INPP5D: variants seen among roughly 807,000 people sequenced by gnomAD.
INPP5D encodes the protein inositol polyphosphate-5-phosphatase D.
Under a neutral mutation model 122.9 loss-of-function variants are expected in INPP5D, and 33 were observed. That is an observed-to-expected ratio of 0.27 (90% CI 0.20 to 0.36). INPP5D has a LOEUF of 0.36. Ranked by LOEUF, INPP5D falls within the 10% of genes least tolerant of loss-of-function variation. The probability of loss-of-function intolerance (pLI) is 1.00; values close to 1 mark genes in which losing one functional copy is unlikely to be tolerated. For missense variants in INPP5D, 1,053 were observed against 1,412.7 expected (o/e 0.75, Z 4.08); for synonymous variants, 584 against 576.2 (o/e 1.01, Z -0.19).
At chr2:233,084,987 A>G (rs936258606) in intron 2 of INPP5D, among the ~76,000 whole-genome samples, 1 of 152,252 alleles carries the variant, frequency 6.6e-6, no homozygotes, top group South Asian at 2.1e-4. Flanking sequence ...ATCTCAAAAC[A>G]TCTTTAGTTG....
At chr2:233,131,421 G>T (rs968517426) in intron 5 of INPP5D, among the ~76,000 whole-genome samples, 1 of 152,128 alleles carries the variant, frequency 6.6e-6, no homozygotes, top group Non-Finnish European at 1.5e-5. Flanking sequence ...GTCAGGCCGG[G>T]TGTGGTGGCT....
intron 3 of INPP5D, 112 bp downstream of exon 3, chr2:233,122,369 TG>T (rs1559303890): frequency 8.3e-7 from 1 of 1,202,020 alleles, no homozygotes; most frequent in East Asian, 2.6e-5. Context: ...ATTGTTGGCG[TG>T]GGGGTTAAGG....
chr2:233,141,340 G>A (rs1227486059), intron 6 of INPP5D: 1 of 152,208 alleles, frequency 6.6e-6, no homozygotes, highest in Non-Finnish European at 1.5e-5. Flanking sequence ...GCCGAAGCGG[G>A]TGGATCACCT....
intron 4 of INPP5D, 23 bp downstream of exon 4, chr2:233,125,942 C>T: frequency 6.2e-7 from 1 of 1,606,794 alleles, no homozygotes; most frequent in Non-Finnish European, 8.5e-7. Context: ...TCAAGTCCAG[C>T]TGGGCCTTCA....
intron 18 of INPP5D, among the ~76,000 whole-genome samples, chr2:233,179,043 T>G (rs576035470): frequency 1.3e-5 from 2 of 152,334 alleles, no homozygotes; most frequent in Admixed American, 6.5e-5. Context: ...TGAAATAGTT[T>G]AACACACGCA....
intron 20 of INPP5D, 106 bp from the exon 21 acceptor site, chr2:233,185,737 A>C: frequency 1.1e-6 from 1 of 951,178 alleles, no homozygotes; most frequent in Non-Finnish European, 1.3e-6. Context: ...AAAAAAAAAA[A>C]GGAGAGAGCA....
intron 1 of INPP5D, among the ~76,000 whole-genome samples, chr2:233,066,589 C>T (rs983791701): frequency 6.6e-6 from 1 of 152,026 alleles, no homozygotes; most frequent in Non-Finnish European, 1.5e-5. Context: ...TACAGTCACC[C>T]TTTCTATGGT....
intron 2 of INPP5D, among the ~76,000 whole-genome samples, chr2:233,102,902 A>G (rs907121902): frequency 3.3e-5 from 5 of 151,778 alleles, no homozygotes; most frequent in African/African-American, 1.2e-4. Flanking sequence ...CTACAAAGCC[A>G]TGACTTTACA....
At chr2:233,061,501 C>A (rs1057452424) in intron 1 of INPP5D, among the ~76,000 whole-genome samples, 2 of 152,110 alleles carry the variant, frequency 1.3e-5, no homozygotes, top group African/African-American at 2.4e-5. Flanking sequence ...GTGTGTCCAC[C>A]TGAACATCTC....
In INPP5D at chr2:233,122,226, G is replaced by A; in HGVS notation, c.318G>A (p.Glu106=). 6.2e-7 allele frequency: 1 copy of A among 1,613,894 alleles called. No individual in the cohort carries two copies. The highest frequency in any genetic ancestry group is 8.5e-7 in the Non-Finnish European group (1 of 1,179,874). ...HLQYPVPLEE[E]DTGDDPEEDT... is the part of the protein sequence containing the mutation. Reference sequence around the variant, plus strand: ...AATACCCTGTGCCGCTGGAGGAAGAGGACACAGGCGACGACCCTGAGGAGG... The same window carrying A: ...AATACCCTGTGCCGCTGGAGGAAGAAGACACAGGCGACGACCCTGAGGAGG... The change falls in exon 3 of 27, where the codon GAG becomes GAA. Residue 106 remains glutamate, a synonymous_variant. Coordinates refer to ENST00000445964, the MANE Select transcript of INPP5D (RefSeq NM_001017915.3).
At chr2:233,199,168 G>T (rs1050903850) in intron 25 of INPP5D, among the ~76,000 whole-genome samples, 1 of 152,000 alleles carries the variant, frequency 6.6e-6, no homozygotes, top group African/African-American at 2.4e-5. Flanking sequence ...AGCCCAGGAG[G>T]CAGAGGTTGC....
At chr2:233,088,573 G>A (rs1691911843) in intron 2 of INPP5D, among the ~76,000 whole-genome samples, 1 of 152,210 alleles carries the variant, frequency 6.6e-6, no homozygotes, top group African/African-American at 2.4e-5. Context: ...AACAGTGGGA[G>A]GCCAGCAGTA....
intron 2 of INPP5D, among the ~76,000 whole-genome samples, chr2:233,095,612 T>A (rs1692115108): frequency 9.9e-6 from 1 of 100,578 alleles, no homozygotes; most frequent in African/African-American, 4.1e-5. Flanking sequence ...ATTGAAACTG[T>A]CTCAAAAAAA....
chr2:233,194,598 A>C (rs1025028259), intron 23 of INPP5D, among the ~76,000 whole-genome samples: 13 of 143,578 alleles, frequency 9.1e-5, no homozygotes, highest in Non-Finnish European at 1.9e-4. Flanking sequence ...CTGGGGTTCA[A>C]GTGATTTTCC....
chr2:233,080,265 G>A (rs1691639338), intron 2 of INPP5D, among the ~76,000 whole-genome samples: 1 of 152,092 alleles, frequency 6.6e-6, no homozygotes, highest in African/African-American at 2.4e-5. Context: ...AGCTGCACCC[G>A]TCCAAGCCCG....
intron 17 of INPP5D, 169 bp downstream of exon 17, chr2:233,171,321 C>A (rs890575683): frequency 3.1e-6 from 3 of 978,212 alleles, no homozygotes; most frequent in African/African-American, 3.3e-5. Context: ...GGAAGCCACA[C>A]TTGTGCACTG....
chr2:233,083,853 C>A (rs1444479109), intron 2 of INPP5D, among the ~76,000 whole-genome samples: 2 of 152,180 alleles, frequency 1.3e-5, no homozygotes, highest in South Asian at 4.1e-4. Context: ...CCCTTCGGCT[C>A]CACCCTACAA....
In INPP5D at chr2:233,195,497, T is replaced by G. The variant is rs1309862811; in HGVS notation, c.2693+2T>G. The stretch of plus-strand genomic sequence containing the variant: ...GAAGCAGTGGGAAGTCACTAGCAGG[T>G]AAAGTGGGCGTGGGGTGGGTGTTGG... On this transcript the variant is annotated splice_donor_variant, in intron 24 of 26. Transcript: ENST00000445964. LOFTEE classifies it high-confidence loss of function. The G allele has an allele frequency of 6.2e-7, 1 of 1,608,372 alleles. No individual in the cohort carries two copies. The highest frequency in any genetic ancestry group is 8.5e-7 in the Non-Finnish European group (1 of 1,176,808).
chr2:233,154,738 T>C (rs1574770294), intron 9 of INPP5D, among the ~76,000 whole-genome samples: 1 of 152,238 alleles, frequency 6.6e-6, no homozygotes, highest in East Asian at 1.9e-4. Flanking sequence ...CAGGTGCTGG[T>C]GTGATTACCC....
Sources: allele counts gnomAD v4.1 joint callset (sites outside exome capture counted in the v4.1 genomes callset), GRCh38; gene constraint gnomAD v4.1.1; transcripts MANE v1.5; gene names NCBI Gene and HGNC (gene_info 2026-07-23, HGNC 2026-07-21).